AASS: variants seen among roughly 807,000 people sequenced by gnomAD.
AASS encodes the protein aminoadipate-semialdehyde synthase, also known as alpha-aminoadipic semialdehyde synthase, mitochondrial.
In AASS, 86 loss-of-function variants were observed where a neutral mutation model predicts 105.4. The observed-to-expected ratio is 0.82, with a 90% CI of 0.69 to 0.98. AASS has a LOEUF of 0.98. Ranked by LOEUF, AASS falls within the 50% of genes least tolerant of loss-of-function variation. The pLI, the probability that AASS is intolerant of heterozygous loss-of-function variation, is 0.00. For missense variants in AASS, 1,048 were observed against 1,143.2 expected, an observed-to-expected ratio of 0.92 and a Z score of 1.20; for synonymous variants, 381 against 394.8, an observed-to-expected ratio of 0.96 and a Z score of 0.41.
intron 19 of AASS, 71 bp from the exon 20 acceptor site, chr7:122,081,666 A>T (rs940140907): frequency 1.4e-5 from 14 of 1,023,918 alleles, no homozygotes; most frequent in Non-Finnish European, 2.1e-5. Flanking sequence ...ATATTTTTGA[A>T]AAGAGGGATA....
chr7:122,118,832 C>A (rs896429631), intron 4 of AASS, among the ~76,000 whole-genome samples: 2 of 152,146 alleles, frequency 1.3e-5, no homozygotes, highest in African/African-American at 4.8e-5. Flanking sequence ...CCCACCTATT[C>A]CTTCCACCTT....
At chr7:122,126,273 G>A in intron 4 of AASS, 102 bp downstream of exon 4, 1 of 1,004,022 alleles carries the variant, frequency 1.0e-6, no homozygotes. Flanking sequence ...TTTTTTCCAT[G>A]GAAATAAACA....
At chr7:122,138,381 T>C (rs1157955135) in intron 1 of AASS, among the ~76,000 whole-genome samples, 1 of 152,190 alleles carries the variant, frequency 6.6e-6, no homozygotes, top group African/African-American at 2.4e-5. Context: ...TATAGTTTAA[T>C]TTATAAATTG....
intron 11 of AASS, among the ~76,000 whole-genome samples, chr7:122,104,573 C>G (rs1196768525): frequency 6.6e-6 from 1 of 152,100 alleles, no homozygotes; most frequent in Non-Finnish European, 1.5e-5. Flanking sequence ...GCCTAGGTGA[C>G]AGAGCAAGAC....
chr7:122,096,455 C>T (rs749179475), intron 15 of AASS, among the ~76,000 whole-genome samples: 12 of 151,740 alleles, frequency 7.9e-5, no homozygotes, highest in Non-Finnish European at 1.8e-4. Flanking sequence ...TGGTGATATC[C>T]CATTGCTACT....
intron 11 of AASS, among the ~76,000 whole-genome samples, chr7:122,104,019 A>G (rs1794550471): frequency 6.6e-6 from 1 of 152,156 alleles, no homozygotes; most frequent in Non-Finnish European, 1.5e-5. Context: ...ACTAAATCAC[A>G]AAGATAAACA....
At chr7:122,084,448 G>A (rs939465253) in intron 19 of AASS, among the ~76,000 whole-genome samples, 2 of 152,184 alleles carry the variant, frequency 1.3e-5, no homozygotes, top group African/African-American at 4.8e-5. Context: ...AAGAAATATA[G>A]TGGTTGTTTT....
intron 11 of AASS, among the ~76,000 whole-genome samples, chr7:122,104,543 G>A (rs1163469849): frequency 2.6e-5 from 4 of 152,088 alleles, no homozygotes; most frequent in Admixed American, 6.6e-5. Flanking sequence ...TTTGTGAAAT[G>A]AGATGGTGCC....
intron 2 of AASS, among the ~76,000 whole-genome samples, chr7:122,130,920 G>A (rs933675973): frequency 2.6e-5 from 4 of 151,420 alleles, no homozygotes; most frequent in Non-Finnish European, 5.9e-5. Context: ...TTCAAGATAT[G>A]TTGTTACTAA....
rs141727397 is a variant in AASS at position 122,133,559 on chromosome 7, C to T, written c.168G>A (p.Lys56=). 3.2e-4 allele frequency: 509 copies of T among 1,614,052 alleles called. No homozygotes were observed. The highest frequency in any genetic ancestry group is 3.9e-4 in the Non-Finnish European group (465 of 1,180,034). The part of the protein sequence containing the change: ...HIKGITNLGY[K]VLIQPSNRRA... ...GCCGATTCGAAGGCTGTATCAAGACCTTGTATCCCAGATTGGTGATGCCTT... is the reference window on the plus strand; with the variant it reads ...GCCGATTCGAAGGCTGTATCAAGACTTTGTATCCCAGATTGGTGATGCCTT... Residue 56 remains lysine, a synonymous_variant, in exon 2 of 24, where the codon AAG becomes AAA. Coordinates refer to ENST00000417368, the MANE Select transcript of AASS (RefSeq NM_005763.4).
At chr7:122,096,029 C>T (rs1268292729) in intron 15 of AASS, among the ~76,000 whole-genome samples, 3 of 151,992 alleles carry the variant, frequency 2.0e-5, no homozygotes, top group East Asian at 1.9e-4. Flanking sequence ...GTTCATAATT[C>T]GTCTCGAATA....
At chr7:122,118,935 G>A (rs1175611925) in intron 4 of AASS, among the ~76,000 whole-genome samples, 2 of 152,066 alleles carry the variant, frequency 1.3e-5, no homozygotes, top group East Asian at 3.9e-4. Context: ...TGTCACCCAA[G>A]GAATTTATTA....
At chr7:122,082,143 TC>T (rs148651679) in intron 19 of AASS, among the ~76,000 whole-genome samples, 1,979 of 152,232 alleles carry the variant, frequency 0.013, 22 homozygotes, top group Non-Finnish European at 0.019. Flanking sequence ...GAGGTAGGAA[TC>T]AGAGATTTTT....
In AASS at chr7:122,073,828, A is replaced by G. The variant is rs1792877619; in HGVS notation, c.*2661T>C. Among the ~76,000 whole-genome samples the G allele has an allele frequency of 2.0e-5, 3 of 152,190 alleles. No individual in the cohort carries two copies. The highest frequency in any genetic ancestry group is 7.2e-5 in the African/African-American group (3 of 41,450). On this transcript the variant is annotated 3_prime_UTR_variant, in exon 24 of 24. Transcript: ENST00000417368. Reference sequence around the variant, plus strand: ...GGACATTTCATATAAATGAAATCATATAATATGTGGCCTTTCATGTCTGGC... The same window carrying G: ...GGACATTTCATATAAATGAAATCATGTAATATGTGGCCTTTCATGTCTGGC...
intron 1 of AASS, among the ~76,000 whole-genome samples, chr7:122,139,859 T>C (rs755211285): frequency 1.3e-5 from 2 of 151,428 alleles, no homozygotes; most frequent in Admixed American, 6.6e-5. Flanking sequence ...GGCTGAAGCA[T>C]GAAAATCACT....
intron 18 of AASS, among the ~76,000 whole-genome samples, chr7:122,088,257 G>T (rs1793723559): frequency 1.3e-5 from 2 of 151,978 alleles, no homozygotes; most frequent in Non-Finnish European, 2.9e-5. Context: ...GAGAATCACT[G>T]TTATATTTGA....
At position 122,076,477 on chromosome 7, in the gene AASS, T is replaced by C. The variant is rs892096529; in HGVS notation, c.*12A>G. The C allele has an allele frequency of 1.0e-5, 16 of 1,590,102 alleles. No individual in the cohort carries two copies. Among genetic ancestry groups the C allele is most frequent in the Non-Finnish European group, 1.4e-5 (16 of 1,158,180 alleles). On this transcript the variant is annotated 3_prime_UTR_variant, in exon 24 of 24. Coordinates refer to ENST00000417368, the MANE Select transcript of AASS (RefSeq NM_005763.4). Reference sequence around the variant, plus strand: ...ATTGCCTGGGAAGAAAAAAACAAAATATAATTCCCAATTATGGTTTAATTG... The same window carrying C: ...ATTGCCTGGGAAGAAAAAAACAAAACATAATTCCCAATTATGGTTTAATTG...
chr7:122,115,122 C>A lies in AASS; in HGVS notation c.995G>T (p.Gly332Val). 1.9e-6 allele frequency: 3 copies of A among 1,614,100 alleles called. No homozygotes were observed. The highest frequency in any genetic ancestry group is 2.2e-5 in the South Asian group (2 of 91,074). ...RQDAQSLLAP[G>V]KFSPAGVEGC... is the part of the protein sequence containing the mutation. ...TTCCACACCAGCAGGTGAGAACTTGCCCGGAGCCAGGAGACTCTGAGCATC... is the reference window on the plus strand; with the variant it reads ...TTCCACACCAGCAGGTGAGAACTTGACCGGAGCCAGGAGACTCTGAGCATC... Residue 332 changes from glycine (G) to valine (V), a missense_variant, in exon 9 of 24, where the codon GGC (glycine) becomes GTC (valine). Transcript: ENST00000417368.
intron 4 of AASS, among the ~76,000 whole-genome samples, chr7:122,122,088 T>A (rs1244173933): frequency 6.6e-6 from 1 of 152,220 alleles, no homozygotes; most frequent in Non-Finnish European, 1.5e-5. Context: ...TTATTTTCAA[T>A]GTTTTTATCA....
Sources: gnomAD v4.1 joint callset for allele counts (sites outside exome capture counted in the v4.1 genomes callset) on GRCh38, gnomAD v4.1.1 for gene constraint, MANE v1.5 for transcripts, NCBI Gene and HGNC (gene_info 2026-07-23, HGNC 2026-07-21) for gene names.